ST6GALNAC3: variants seen among roughly 807,000 people sequenced by gnomAD.
ST6GALNAC3 encodes ST6 N-acetylgalactosaminide alpha-2,6-sialyltransferase 3, also known as alpha-N-acetylgalactosaminide alpha-2,6-sialyltransferase 3.
A neutral mutation model predicts 32.7 loss-of-function variants in ST6GALNAC3; 25 were observed. That is an observed-to-expected ratio of 0.76 (90% CI 0.56 to 1.07). The LOEUF is 1.07. Ranked by LOEUF, ST6GALNAC3 falls within the 50% of genes least tolerant of loss-of-function variation. ST6GALNAC3 has a pLI of 0.00. For missense variants in ST6GALNAC3, 355 were observed against 382.4 expected, an observed-to-expected ratio of 0.93 and a Z score of 0.60; for synonymous variants, 129 against 133.1, an observed-to-expected ratio of 0.97 and a Z score of 0.21.
intron 1 of ST6GALNAC3, among the ~76,000 whole-genome samples, chr1:76,176,749 G>A (rs1424206236): frequency 6.6e-6 from 1 of 152,172 alleles, no homozygotes; most frequent in East Asian, 1.9e-4. Context: ...AAAGAACAGA[G>A]ATTTCTGTTT....
chr1:76,571,788 G>A (rs1243483216), intron 3 of ST6GALNAC3, among the ~76,000 whole-genome samples: 2 of 151,900 alleles, frequency 1.3e-5, no homozygotes, highest in East Asian at 3.9e-4. Context: ...ACTGTACTTT[G>A]TACTATTGGG....
chr1:76,082,697 C>T (rs1019793794), intron 1 of ST6GALNAC3, among the ~76,000 whole-genome samples: 1 of 152,086 alleles, frequency 6.6e-6, no homozygotes, highest in Non-Finnish European at 1.5e-5. Flanking sequence ...AGGTGACATT[C>T]TTTGAGAAGC....
At chr1:76,579,298 C>T (rs1646858016) in intron 3 of ST6GALNAC3, among the ~76,000 whole-genome samples, 1 of 152,050 alleles carries the variant, frequency 6.6e-6, no homozygotes, top group South Asian at 2.1e-4. Flanking sequence ...GCCCCATCTT[C>T]ATCATCAGTC....
chr1:76,101,846 G>C (rs140340249), intron 1 of ST6GALNAC3, among the ~76,000 whole-genome samples: 1 of 152,062 alleles, frequency 6.6e-6, no homozygotes, highest in Admixed American at 6.6e-5. Context: ...GAAAGAACAC[G>C]CTTTGAATGA....
At chr1:76,245,318 C>T (rs1192480487) in intron 1 of ST6GALNAC3, among the ~76,000 whole-genome samples, 1 of 152,016 alleles carries the variant, frequency 6.6e-6, no homozygotes, top group East Asian at 1.9e-4. Flanking sequence ...TGATTCTTCT[C>T]TCTTTTCTTC....
intron 1 of ST6GALNAC3, among the ~76,000 whole-genome samples, chr1:76,084,341 A>G (rs939522708): frequency 3.3e-5 from 5 of 152,162 alleles, no homozygotes; most frequent in African/African-American, 1.2e-4. Context: ...CAGTTTCACC[A>G]TATCCTGAGC....
At chr1:76,467,910 T>A (rs1658749114) in intron 3 of ST6GALNAC3, among the ~76,000 whole-genome samples, 1 of 152,052 alleles carries the variant, frequency 6.6e-6, no homozygotes. Context: ...TCTAAAGCAG[T>A]ACTCAGGTAA....
intron 3 of ST6GALNAC3, among the ~76,000 whole-genome samples, chr1:76,485,295 T>C (rs1413170799): frequency 6.6e-6 from 1 of 152,202 alleles, no homozygotes; most frequent in Non-Finnish European, 1.5e-5. Context: ...TCAGAAGGAA[T>C]GGTACCAGCT....
At chr1:76,075,968 C>T (rs1557592676) in intron 1 of ST6GALNAC3, among the ~76,000 whole-genome samples, 2 of 152,186 alleles carry the variant, frequency 1.3e-5, no homozygotes, top group South Asian at 2.1e-4. Flanking sequence ...CGTCTTCTAA[C>T]GTGCCTGGTG....
chr1:76,275,737 AC>A (rs1659096992), intron 1 of ST6GALNAC3, among the ~76,000 whole-genome samples: 1 of 152,200 alleles, frequency 6.6e-6, no homozygotes, highest in African/African-American at 2.4e-5. Flanking sequence ...GTATTTAAGA[AC>A]ATTATCTCCC....
intron 1 of ST6GALNAC3, among the ~76,000 whole-genome samples, chr1:76,122,962 A>G (rs1226177611): frequency 6.6e-6 from 1 of 152,210 alleles, no homozygotes; most frequent in South Asian, 2.1e-4. Flanking sequence ...CAGCAGTATC[A>G]GCATCACCTG....
intron 1 of ST6GALNAC3, among the ~76,000 whole-genome samples, chr1:76,168,803 T>G (rs1652291531): frequency 1.3e-5 from 2 of 151,878 alleles, no homozygotes; most frequent in South Asian, 4.1e-4. Context: ...TTTTTCTGCT[T>G]GGTAGATTTT....
intron 3 of ST6GALNAC3, among the ~76,000 whole-genome samples, chr1:76,514,072 G>T (rs948241263): frequency 5.3e-5 from 8 of 152,026 alleles, no homozygotes; most frequent in African/African-American, 1.4e-4. Context: ...AATCTTTAGG[G>T]TTTTCTATAC....
intron 1 of ST6GALNAC3, among the ~76,000 whole-genome samples, chr1:76,249,869 T>C (rs1315971017): frequency 6.6e-6 from 1 of 152,242 alleles, no homozygotes; most frequent in Non-Finnish European, 1.5e-5. Flanking sequence ...GTTTAACATC[T>C]TTTCATGTGT....
intron 1 of ST6GALNAC3, among the ~76,000 whole-genome samples, chr1:76,132,937 C>T (rs905933503): frequency 7.2e-5 from 11 of 152,070 alleles, no homozygotes; most frequent in African/African-American, 2.7e-4. Flanking sequence ...TTCCAGGGAG[C>T]CTTGCTTCCA....
intron 2 of ST6GALNAC3, among the ~76,000 whole-genome samples, chr1:76,327,329 G>A (rs1288590562): frequency 1.3e-5 from 2 of 151,076 alleles, no homozygotes; most frequent in Admixed American, 6.7e-5. Flanking sequence ...TGTGTATAGA[G>A]AGAGATATTG....
intron 2 of ST6GALNAC3, among the ~76,000 whole-genome samples, chr1:76,380,741 A>G (rs1256587736): frequency 1.3e-5 from 2 of 152,202 alleles, no homozygotes; most frequent in Non-Finnish European, 2.9e-5. Flanking sequence ...ACATGTATTT[A>G]GCACATTATG....
intron 1 of ST6GALNAC3, among the ~76,000 whole-genome samples, chr1:76,194,921 C>T (rs189396814): frequency 1.3e-5 from 2 of 152,298 alleles, no homozygotes; most frequent in Non-Finnish European, 2.9e-5. Context: ...TTCACTCATG[C>T]ATGATTTTGT....
chr1:76,525,791 G>GTATATATATATATATA lies in ST6GALNAC3; in HGVS notation c.624-101639_624-101624dup, dbSNP rs199721572. Among the ~76,000 whole-genome samples the GTATATATATATATATA allele has an allele frequency of 1.0e-3, 77 of 75,540 alleles. 1 individual carries two copies. The highest frequency in any genetic ancestry group is 1.7e-3 in the Non-Finnish European group (55 of 33,050). 49.6% of individuals were successfully genotyped at this position (75,540 alleles called of 152,430 possible). Reference sequence around the variant, plus strand: ...TGTGTTTGTGTGTGTGTGTGTGTGTGTATATATATATATATATATATATAT... The same window carrying GTATATATATATATATA: ...TGTGTTTGTGTGTGTGTGTGTGTGTGTATATATATATATATATATATATATATATATATATATATAT... On this transcript the variant is annotated intron_variant, in intron 3 of 4. Coordinates refer to ENST00000328299, the MANE Select transcript of ST6GALNAC3 (RefSeq NM_152996.4).
Sources: gnomAD v4.1 joint callset for allele counts (sites outside exome capture counted in the v4.1 genomes callset) on GRCh38, gnomAD v4.1.1 for gene constraint, MANE v1.5 for transcripts, NCBI Gene and HGNC (gene_info 2026-07-23, HGNC 2026-07-21) for gene names.